The following SULT2A1 variants were observed in gnomAD, a reference collection of about 807,000 sequenced individuals.
The protein encoded by SULT2A1 is sulfotransferase 2A1.
SULT2A1 carries 43 observed loss-of-function variants against 33.9 expected under a neutral mutation model. The observed-to-expected ratio is 1.27, with a 90% CI of 1.00 to 1.64. The LOEUF (loss-of-function observed/expected upper bound fraction) is 1.64. Among genes scored for constraint, SULT2A1 ranks in the 40% most tolerant of loss-of-function variants. The pLI, the probability that SULT2A1 is intolerant of heterozygous loss-of-function variation, is 0.00. For missense variants in SULT2A1, 300 were observed against 335.1 expected, an observed-to-expected ratio of 0.90 and a Z score of 0.82; for synonymous variants, 125 against 113.6, an observed-to-expected ratio of 1.10 and a Z score of -0.64.
At chr19:47,873,209 C>T (rs1968509229) in intron 5 of SULT2A1, among the ~76,000 whole-genome samples, 1 of 152,026 alleles carries the variant, frequency 6.6e-6, no homozygotes. Context: ...ACTCTTGTTG[C>T]CCAGGCTGGA....
intron 4 of SULT2A1, among the ~76,000 whole-genome samples, chr19:47,876,867 G>T (rs1968549493): frequency 6.6e-6 from 1 of 151,312 alleles, no homozygotes; most frequent in South Asian, 2.1e-4. Context: ...GAGCTCAGGA[G>T]TTCGAGACCA....
At position 47,886,168 on chromosome 19, in the gene SULT2A1, G is replaced by A. The variant is rs11083907; in HGVS notation, c.90C>T (p.Phe30=). ...TTATTACATCTTCATCCCTTATCAC[G>A]AACTCATCACGTACTTTTCTTAAGG... ...SETLRKVRDE[F]VIRDEDVIIL... The change falls in exon 1 of 6, where the codon TTC becomes TTT. Residue 30 remains phenylalanine, a synonymous_variant. Coordinates refer to ENST00000222002, the MANE Select transcript of SULT2A1 (RefSeq NM_003167.4). 7,044 of 1,613,866 alleles carry A rather than the reference G, an allele frequency of 4.4e-3. 188 individuals carry two copies. In the African/African-American group the frequency reaches 0.066, roughly 15 times the overall value.
intron 4 of SULT2A1, among the ~76,000 whole-genome samples, chr19:47,875,158 C>CAAAA (rs36196588): frequency 2.1e-5 from 2 of 94,084 alleles, no homozygotes; most frequent in African/African-American, 4.1e-5. Flanking sequence ...GAGACCTTGT[C>CAAAA]AAAAAAAAAA....
chr19:47,877,960 A>G (rs1476834228), intron 4 of SULT2A1, among the ~76,000 whole-genome samples: 1 of 152,208 alleles, frequency 6.6e-6, no homozygotes, highest in Non-Finnish European at 1.5e-5. Flanking sequence ...TAAATTGATT[A>G]CATGCCTTCA....
At chr19:47,885,545 A>C (rs948967207) in intron 1 of SULT2A1, among the ~76,000 whole-genome samples, 2 of 151,976 alleles carry the variant, frequency 1.3e-5, no homozygotes, top group African/African-American at 4.8e-5. Flanking sequence ...AATCCCTCTT[A>C]TTATGTTCCC....
intron 3 of SULT2A1, among the ~76,000 whole-genome samples, chr19:47,880,150 T>C (rs1600036844): frequency 7.3e-6 from 1 of 136,952 alleles, no homozygotes. Context: ...GGCGGGAGAA[T>C]GGTGTGAACC....
chr19:47,874,269 C>A (rs373952711), intron 5 of SULT2A1, among the ~76,000 whole-genome samples: 1 of 151,934 alleles, frequency 6.6e-6, no homozygotes, highest in East Asian at 2.0e-4. Context: ...GGCCGGGCGC[C>A]GTGGCTCATG....
intron 1 of SULT2A1, among the ~76,000 whole-genome samples, chr19:47,884,128 CA>C (rs1190408355): frequency 2.7e-5 from 4 of 148,292 alleles, no homozygotes; most frequent in South Asian, 2.1e-4. Context: ...AAAACAAAAA[CA>C]AAAAAAAGTA....
At chr19:47,875,786 G>A (rs1968538313) in intron 4 of SULT2A1, among the ~76,000 whole-genome samples, 1 of 152,150 alleles carries the variant, frequency 6.6e-6, no homozygotes, top group African/African-American at 2.4e-5. Flanking sequence ...GAGACGTTTA[G>A]AGAGGCTTCT....
At chr19:47,883,840 G>A (rs1409357597) in intron 1 of SULT2A1, 55 bp from the exon 2 acceptor site, 5 of 1,524,906 alleles carry the variant, frequency 3.3e-6, no homozygotes, top group Non-Finnish European at 4.5e-6. Flanking sequence ...CGGACATGGT[G>A]GCTCACGCCT....
At chr19:47,882,246 C>A (rs936829039) in intron 2 of SULT2A1, 36 bp from the exon 3 acceptor site, 3 of 1,596,032 alleles carry the variant, frequency 1.9e-6, no homozygotes, top group Non-Finnish European at 2.6e-6. Flanking sequence ...AAAATCAATA[C>A]AGTCAATCCT....
chr19:47,873,370 C>T (rs560712383), intron 5 of SULT2A1, among the ~76,000 whole-genome samples: 4 of 151,978 alleles, frequency 2.6e-5, no homozygotes, highest in African/African-American at 7.2e-5. Context: ...GGGCTTTCTC[C>T]GTGTTAGCCA....
Position 47,879,132 on chromosome 19 carries a change from T to C in SULT2A1, c.473-2A>G. The C allele has an allele frequency of 6.2e-7, 1 of 1,601,830 alleles. No homozygotes were observed. Among genetic ancestry groups the C allele is most frequent in the Non-Finnish European group, 8.6e-7 (1 of 1,169,064 alleles). Reference sequence around the variant, plus strand: ...GGTCAAACCATGACCCATATAGCACTGCATGGGGTGGCAGAAAAAGTGATA... The same window carrying C: ...GGTCAAACCATGACCCATATAGCACCGCATGGGGTGGCAGAAAAAGTGATA... On this transcript the variant is annotated splice_acceptor_variant, in intron 3 of 5. Transcript: ENST00000222002. LOFTEE classifies it high-confidence loss of function.
intron 1 of SULT2A1, among the ~76,000 whole-genome samples, chr19:47,885,745 T>A (rs212099): frequency 0.11 from 17,495 of 152,248 alleles, 1,358 homozygotes; most frequent in Non-Finnish European, 0.16. Context: ...GATTCTCCTA[T>A]CTGAAAATAG....
chr19:47,881,729 G>A (rs1204671888), intron 3 of SULT2A1, among the ~76,000 whole-genome samples: 1 of 152,058 alleles, frequency 6.6e-6, no homozygotes, highest in East Asian at 1.9e-4. Flanking sequence ...TTTGGAAAGA[G>A]GCATCAGAAA....
intron 4 of SULT2A1, among the ~76,000 whole-genome samples, chr19:47,877,123 G>T (rs1009020148): frequency 6.6e-6 from 1 of 151,054 alleles, no homozygotes; most frequent in Non-Finnish European, 1.5e-5. Context: ...ATAGGCCATA[G>T]AGGATTGGAG....
rs11083907 is a variant in SULT2A1, at chr19:47,886,168, G to C, written c.90C>G (p.Phe30Leu). 6.2e-7 allele frequency: 1 copy of C among 1,613,866 alleles called. No individual in the cohort carries two copies. Among genetic ancestry groups the C allele is most frequent in the East Asian group, 2.2e-5 (1 of 44,868 alleles). ...SETLRKVRDE[F>L]VIRDEDVIIL... ...TTATTACATCTTCATCCCTTATCACGAACTCATCACGTACTTTTCTTAAGG... is the reference window on the plus strand; with the variant it reads ...TTATTACATCTTCATCCCTTATCACCAACTCATCACGTACTTTTCTTAAGG... Residue 30 changes from phenylalanine to leucine, a missense_variant, in exon 1 of 6, where the codon TTC (phenylalanine) becomes TTG (leucine). Transcript: ENST00000222002.
intron 2 of SULT2A1, 73 bp from the exon 3 acceptor site, chr19:47,882,283 G>T: frequency 6.5e-7 from 1 of 1,541,504 alleles, no homozygotes; most frequent in African/African-American, 1.4e-5. Flanking sequence ...CACAAAAATG[G>T]AGAAAAAGCC....
At chr19:47,879,208 C>G in intron 3 of SULT2A1, 78 bp from the exon 4 acceptor site, 1 of 858,370 alleles carries the variant, frequency 1.2e-6, no homozygotes, top group Admixed American at 1.9e-5. Flanking sequence ...TTCATCCCCC[C>G]ACCGGCTTGT....
Sources: gnomAD v4.1 joint callset for allele counts (sites outside exome capture counted in the v4.1 genomes callset) on GRCh38, gnomAD v4.1.1 for gene constraint, MANE v1.5 for transcripts, NCBI Gene and HGNC (gene_info 2026-07-23, HGNC 2026-07-21) for gene names.